Variants in CDH12 observed in about 807,000 individuals in gnomAD.
CDH12 encodes the protein cadherin-12.
Under a neutral mutation model 74.1 loss-of-function variants are expected in CDH12, and 41 were observed. The observed-to-expected ratio is 0.55, with a 90% CI of 0.43 to 0.72. The LOEUF (loss-of-function observed/expected upper bound fraction) is 0.72. Ranked by LOEUF, CDH12 falls within the 30% of genes least tolerant of loss-of-function variation. The probability of loss-of-function intolerance (pLI) is 0.00; values close to 1 mark genes in which losing one functional copy is unlikely to be tolerated. For missense variants in CDH12, 945 were observed against 977.2 expected (o/e 0.97, Z 0.44); for synonymous variants, 399 against 355.0 (o/e 1.12, Z -1.39).
intron 1 of CDH12, among the ~76,000 whole-genome samples, chr5:22,670,000 CT>C (rs1347469726): frequency 1.3e-5 from 2 of 151,992 alleles, no homozygotes; most frequent in Non-Finnish European, 2.9e-5. Context: ...TTTTCTTAGT[CT>C]TTTTTTATTA....
chr5:22,313,615 G>T (rs1738482203), intron 3 of CDH12, among the ~76,000 whole-genome samples: 1 of 152,078 alleles, frequency 6.6e-6, no homozygotes, highest in African/African-American at 2.4e-5. Flanking sequence ...AAGAAAATGT[G>T]ATATATATAC....
chr5:22,543,986 T>A (rs1181875580), intron 1 of CDH12, among the ~76,000 whole-genome samples: 1 of 151,956 alleles, frequency 6.6e-6, no homozygotes, highest in African/African-American at 2.4e-5. Flanking sequence ...TATCCCTACC[T>A]CCTCTTAGTC....
chr5:22,173,344 A>G (rs1044805132), intron 4 of CDH12, among the ~76,000 whole-genome samples: 1 of 146,806 alleles, frequency 6.8e-6, no homozygotes, highest in Admixed American at 6.9e-5. Flanking sequence ...ATATAATATA[A>G]TTTATGAAAT....
At chr5:22,053,572 G>A (rs1366742072) in intron 5 of CDH12, among the ~76,000 whole-genome samples, 1 of 151,976 alleles carries the variant, frequency 6.6e-6, no homozygotes, top group Non-Finnish European at 1.5e-5. Context: ...CTAGTTCACT[G>A]ATTTCATAAG....
chr5:22,470,416 A>ATTTTATTTTATTTTAT (rs145307255), intron 2 of CDH12, among the ~76,000 whole-genome samples: 1 of 146,330 alleles, frequency 6.8e-6, no homozygotes, highest in Non-Finnish European at 1.5e-5. Context: ...ATTTTATTTT[A>ATTTTATTTTATTTTAT]TTTATTTTAT....
At chr5:22,753,311 C>T (rs923768106) in intron 1 of CDH12, among the ~76,000 whole-genome samples, 1 of 151,508 alleles carries the variant, frequency 6.6e-6, no homozygotes, top group African/African-American at 2.4e-5. Flanking sequence ...GTGGCGGGCG[C>T]CTGTAGTCCC....
intron 1 of CDH12, among the ~76,000 whole-genome samples, chr5:22,752,545 CTTTTTTTTTTTT>C (rs1159388186): frequency 2.1e-4 from 14 of 65,782 alleles, no homozygotes; most frequent in Non-Finnish European, 3.5e-4. Flanking sequence ...TAGGATACTT[CTTTTTTTTTTTT>C]TTTTTTTTTT....
intron 11 of CDH12, among the ~76,000 whole-genome samples, chr5:21,771,219 T>C (rs1745308834): frequency 6.6e-6 from 1 of 151,832 alleles, no homozygotes; most frequent in Non-Finnish European, 1.5e-5. Flanking sequence ...AAAGTTAAAA[T>C]TCAATTGTGT....
At chr5:22,237,611 AAT>A (rs1752603325) in intron 3 of CDH12, among the ~76,000 whole-genome samples, 2 of 151,898 alleles carry the variant, frequency 1.3e-5, no homozygotes, top group Non-Finnish European at 2.9e-5. Flanking sequence ...AACTAGGAGA[AAT>A]AAAGGTTTGT....
At chr5:22,135,355 T>G (rs2150291668) in intron 4 of CDH12, among the ~76,000 whole-genome samples, 1 of 152,106 alleles carries the variant, frequency 6.6e-6, no homozygotes, top group African/African-American at 2.4e-5. Flanking sequence ...TTCCTTAACA[T>G]TTTAAAACCA....
At chr5:21,940,466 A>G (rs1255988534) in intron 6 of CDH12, among the ~76,000 whole-genome samples, 1 of 152,154 alleles carries the variant, frequency 6.6e-6, no homozygotes, top group Non-Finnish European at 1.5e-5. Context: ...CACATGGAAA[A>G]TTTCTTGTGA....
At chr5:21,810,806 A>G (rs1055000942) in intron 9 of CDH12, among the ~76,000 whole-genome samples, 12 of 152,184 alleles carry the variant, frequency 7.9e-5, no homozygotes, top group African/African-American at 2.9e-4. Context: ...ATTATTTTAA[A>G]CTTAAACTGA....
intron 4 of CDH12, among the ~76,000 whole-genome samples, chr5:22,110,765 C>A (rs1318391630): frequency 6.6e-6 from 1 of 152,170 alleles, no homozygotes; most frequent in Non-Finnish European, 1.5e-5. Flanking sequence ...ATGTCTACAC[C>A]TTAGCAGATT....
At chr5:22,542,837 C>T (rs940180861) in intron 1 of CDH12, among the ~76,000 whole-genome samples, 6 of 152,054 alleles carry the variant, frequency 3.9e-5, no homozygotes, top group Admixed American at 1.3e-4. Flanking sequence ...AGATGCTTGG[C>T]TTTAATTTTA....
intron 3 of CDH12, among the ~76,000 whole-genome samples, chr5:22,285,736 C>A (rs865999086): frequency 6.6e-6 from 1 of 152,006 alleles, no homozygotes; most frequent in Admixed American, 6.6e-5. Flanking sequence ...TCATTTTGCT[C>A]TAACTTGTTT....
chr5:22,353,571 T>C (rs1444123), intron 3 of CDH12, among the ~76,000 whole-genome samples: 127,629 of 152,076 alleles, frequency 0.84, 53,619 homozygotes, highest in African/African-American at 0.85. Context: ...ATTTTAAATA[T>C]ATAGATCACA....
intron 3 of CDH12, among the ~76,000 whole-genome samples, chr5:22,269,741 C>G (rs891879616): frequency 4.6e-5 from 7 of 152,136 alleles, no homozygotes; most frequent in Admixed American, 4.6e-4. Context: ...AGCAATTATA[C>G]ATCTCTGTAT....
At chr5:22,136,156 C>T (rs1285761709) in intron 4 of CDH12, among the ~76,000 whole-genome samples, 1 of 151,564 alleles carries the variant, frequency 6.6e-6, no homozygotes, top group Non-Finnish European at 1.5e-5. Context: ...AGAAGTAGAG[C>T]AGGAAAAAAG....
chr5:22,235,589 A>AT (rs1379646344), intron 3 of CDH12, among the ~76,000 whole-genome samples: 2 of 152,048 alleles, frequency 1.3e-5, no homozygotes, highest in Admixed American at 6.6e-5. Context: ...AAAAAAAAAA[A>AT]AATCAGAAAA....
Sources: gnomAD v4.1 joint callset for allele counts (sites outside exome capture counted in the v4.1 genomes callset) on GRCh38, gnomAD v4.1.1 for gene constraint, MANE v1.5 for transcripts, NCBI Gene and HGNC (gene_info 2026-07-23, HGNC 2026-07-21) for gene names.